Variants in EYS observed in about 807,000 individuals in gnomAD.
EYS encodes the protein protein eyes shut homolog.
Under a neutral mutation model 282.1 loss-of-function variants are expected in EYS, and 250 were observed. The ratio of observed to expected loss-of-function variants is 0.89; its 90% CI spans 0.80 to 0.98. The LOEUF is 0.98. Among genes scored for constraint, EYS ranks in the 50% least tolerant of loss-of-function variants. The pLI, the probability that EYS is intolerant of heterozygous loss-of-function variation, is 0.00. For missense variants in EYS, 4,016 were observed against 3,709.0 expected (o/e 1.08, Z -2.15); for synonymous variants, 1,355 against 1,282.9 (o/e 1.06, Z -1.20).
intron 5 of EYS, among the ~76,000 whole-genome samples, chr6:65,472,735 C>G (rs1765260793): frequency 6.6e-6 from 1 of 151,960 alleles, no homozygotes; most frequent in Non-Finnish European, 1.5e-5. Flanking sequence ...AGCCATCACT[C>G]CATCTCATTA....
At position 63,961,482 on chromosome 6, in the gene EYS, A is replaced by G. The variant is rs1383770327; in HGVS notation, c.7055+22901T>C. ...CTTTGACTGTAATTTTCCACTACCC[A>G]CCCAAATCCTATAAAACAGCCCCAC... On this transcript the variant is annotated intron_variant, in intron 35 of 42. Coordinates refer to ENST00000503581, the MANE Select transcript of EYS (RefSeq NM_001142800.2). Among the ~76,000 whole-genome samples, 5 of 146,754 alleles carry G rather than the reference A, an allele frequency of 3.4e-5. No homozygotes were observed. In the East Asian group the frequency reaches 1.0e-3, roughly 30 times the overall value.
chr6:64,998,287 A>G (rs187238318), intron 13 of EYS, among the ~76,000 whole-genome samples: 4 of 152,368 alleles, frequency 2.6e-5, no homozygotes, highest in Admixed American at 2.0e-4. Context: ...TGTCTGAAGC[A>G]TCTCAAGGAA....
At chr6:64,178,341 C>A (rs907292380) in intron 31 of EYS, among the ~76,000 whole-genome samples, 1 of 151,994 alleles carries the variant, frequency 6.6e-6, no homozygotes, top group African/African-American at 2.4e-5. Flanking sequence ...TGTACCAGGC[C>A]CTTTCCTTGG....
intron 12 of EYS, among the ~76,000 whole-genome samples, chr6:65,146,270 A>G (rs1764475788): frequency 6.6e-6 from 1 of 151,934 alleles, no homozygotes; most frequent in African/African-American, 2.4e-5. Context: ...GTTCAAAATC[A>G]CCTCATTAGG....
chr6:65,353,184 C>T (rs1764352416), intron 9 of EYS, among the ~76,000 whole-genome samples: 1 of 151,728 alleles, frequency 6.6e-6, no homozygotes, highest in Non-Finnish European at 1.5e-5. Flanking sequence ...GTCCATTAAC[C>T]ACTCCCTTCC....
At position 64,262,043 on chromosome 6, in the gene EYS, C is replaced by A. The variant is rs370062625; in HGVS notation, c.6192-31219G>T. On this transcript the variant is annotated intron_variant, in intron 30 of 42. Coordinates refer to ENST00000503581, the MANE Select transcript of EYS (RefSeq NM_001142800.2). ...GTGCTGGGATTACAGGCAGGAGCCA[C>A]TGTGCCAGGCTACTGTATTCTTGAT... Among the ~76,000 whole-genome samples the A allele has an allele frequency of 9.9e-5, 15 of 152,200 alleles. No individual in the cohort carries two copies. The East Asian group carries it at 2.7e-3, about 27-fold the overall frequency.
intron 13 of EYS, among the ~76,000 whole-genome samples, chr6:65,015,005 G>C (rs1424580205): frequency 6.6e-6 from 1 of 152,108 alleles, no homozygotes; most frequent in Non-Finnish European, 1.5e-5. Flanking sequence ...CTGGAGTTTG[G>C]ATTGATGCAA....
At chr6:65,407,549 C>T (rs541388360) in intron 5 of EYS, among the ~76,000 whole-genome samples, 130 of 152,102 alleles carry the variant, frequency 8.5e-4, no homozygotes, top group Non-Finnish European at 1.4e-3. Context: ...CCACTATGCC[C>T]GGCCTTGAAG....
At chr6:64,921,045 G>A (rs1583295250) in intron 15 of EYS, among the ~76,000 whole-genome samples, 1 of 152,006 alleles carries the variant, frequency 6.6e-6, no homozygotes, top group African/African-American at 2.4e-5. Context: ...CAAGCAATGA[G>A]GAAACAAAAT....
chr6:64,648,947 T>G (rs186200262), intron 22 of EYS, among the ~76,000 whole-genome samples: 1 of 152,296 alleles, frequency 6.6e-6, no homozygotes, highest in Non-Finnish European at 1.5e-5. Flanking sequence ...GGGGTAAGGC[T>G]CTGAATGTCT....
At chr6:64,264,812 A>T (rs553038579) in intron 30 of EYS, among the ~76,000 whole-genome samples, 35 of 152,172 alleles carry the variant, frequency 2.3e-4, no homozygotes, top group African/African-American at 7.2e-4. Flanking sequence ...GCTGAGGCAG[A>T]AGAATCTCTT....
At chr6:64,548,994 A>T (rs1471124031) in intron 26 of EYS, among the ~76,000 whole-genome samples, 2 of 152,126 alleles carry the variant, frequency 1.3e-5, no homozygotes, top group African/African-American at 4.8e-5. Flanking sequence ...ATATATGATC[A>T]TTACTCTACA....
chr6:64,147,595 G>C (rs1205509783), intron 31 of EYS, among the ~76,000 whole-genome samples: 1 of 152,188 alleles, frequency 6.6e-6, no homozygotes, highest in Non-Finnish European at 1.5e-5. Context: ...GGCTATGTTA[G>C]ATAATTCTAA....
At chr6:64,300,954 TAGA>T (rs1332068246) in intron 30 of EYS, among the ~76,000 whole-genome samples, 1 of 152,254 alleles carries the variant, frequency 6.6e-6, no homozygotes, top group Admixed American at 6.5e-5. Context: ...TGCTCTCTAG[TAGA>T]AAAGAATTTT....
chr6:63,984,662 A>T, intron 34 of EYS, 59 bp from the exon 35 acceptor site: 1 of 1,278,674 alleles, frequency 7.8e-7, no homozygotes. Flanking sequence ...TGTGGAAAAG[A>T]TGTAGGATGT....
At chr6:64,826,822 T>G (rs9342433) in intron 19 of EYS, among the ~76,000 whole-genome samples, 24,753 of 151,110 alleles carry the variant, frequency 0.16, 2,295 homozygotes, top group East Asian at 0.44. Flanking sequence ...TTTTTCAAAA[T>G]CACTTTCCTG....
chr6:64,340,714 T>A (rs1255089405), intron 29 of EYS, among the ~76,000 whole-genome samples: 1 of 151,596 alleles, frequency 6.6e-6, no homozygotes, highest in Non-Finnish European at 1.5e-5. Flanking sequence ...CAAAAACTGA[T>A]AAGTGAGGCC....
chr6:65,607,965 T>C (rs1474567695), intron 2 of EYS, among the ~76,000 whole-genome samples: 1 of 152,042 alleles, frequency 6.6e-6, no homozygotes, highest in Non-Finnish European at 1.5e-5. Flanking sequence ...TATTCTTATA[T>C]TTTTATCTTT....
At chr6:64,934,478 A>G (rs1768836793) in intron 15 of EYS, among the ~76,000 whole-genome samples, 1 of 152,008 alleles carries the variant, frequency 6.6e-6, no homozygotes, top group South Asian at 2.1e-4. Context: ...GTCAAACTGT[A>G]AAACACAAAG....
Sources: gnomAD v4.1 joint callset for allele counts (sites outside exome capture counted in the v4.1 genomes callset) on GRCh38, gnomAD v4.1.1 for gene constraint, MANE v1.5 for transcripts, NCBI Gene and HGNC (gene_info 2026-07-23, HGNC 2026-07-21) for gene names.